The following ADARB2 variants were observed in gnomAD, a reference collection of about 807,000 sequenced individuals.
ADARB2 encodes adenosine deaminase RNA specific B2 (inactive).
Under a neutral mutation model 62.2 loss-of-function variants are expected in ADARB2, and 25 were observed. The ratio of observed to expected loss-of-function variants is 0.40; its 90% CI spans 0.29 to 0.56. The LOEUF is 0.56. Among genes scored for constraint, ADARB2 ranks in the 20% least tolerant of loss-of-function variants. The pLI is 0.43. For synonymous variants in ADARB2, 572 were observed against 500.8 expected (o/e 1.14, Z -1.90); for missense variants, 1,071 against 1,077.4 (o/e 0.99, Z 0.08).
intron 1 of ADARB2, among the ~76,000 whole-genome samples, chr10:1,540,155 A>C (rs937249174): frequency 2.0e-5 from 3 of 152,148 alleles, no homozygotes; most frequent in African/African-American, 7.2e-5. Flanking sequence ...ATAAGAAGAA[A>C]ACAGGATTTT....
At chr10:1,508,467 T>C (rs1410490405) in intron 1 of ADARB2, among the ~76,000 whole-genome samples, 1 of 152,194 alleles carries the variant, frequency 6.6e-6, no homozygotes, top group Non-Finnish European at 1.5e-5. Flanking sequence ...TACATTATTG[T>C]TTTCACGCTG....
chr10:1,675,024 A>G (rs1418565810), intron 1 of ADARB2: 3 of 976,894 alleles, frequency 3.1e-6, no homozygotes, highest in African/African-American at 1.9e-5. Context: ...TTGGGGGTAC[A>G]TGGATGTTCT....
chr10:1,374,695 G>A (rs757586871), intron 2 of ADARB2, among the ~76,000 whole-genome samples: 53 of 152,318 alleles, frequency 3.5e-4, no homozygotes, highest in Non-Finnish European at 5.7e-4. Flanking sequence ...GTCCTCTGCT[G>A]GGCCGTTTGC....
chr10:1,298,667 G>A (rs1325479580), intron 3 of ADARB2, among the ~76,000 whole-genome samples: 1 of 148,502 alleles, frequency 6.7e-6, no homozygotes, highest in East Asian at 2.0e-4. Flanking sequence ...AAGGGCACGT[G>A]CCCCACTGCA....
At chr10:1,711,451 C>T (rs779221077) in intron 1 of ADARB2, among the ~76,000 whole-genome samples, 21 of 152,202 alleles carry the variant, frequency 1.4e-4, no homozygotes, top group Non-Finnish European at 2.4e-4. Context: ...GATGGGAGCA[C>T]TGAGAATGTT....
rs147535444 is a variant in ADARB2 at position 1,326,727 on chromosome 10, C to T, written c.1077+36301G>A. 9.3e-3 allele frequency among the ~76,000 whole-genome samples: 1,408 copies of T among 151,872 alleles called. 15 individuals carry two copies. Among genetic ancestry groups the T allele is most frequent in the African/African-American group, 0.022 (920 of 41,304 alleles). On this transcript the variant is annotated intron_variant, in intron 3 of 9. Transcript: ENST00000381312. Reference sequence around the variant, plus strand: ...AGCTCAGCGTCTCCTCACAGCGCCTCCCCATGGCACGGCGCCTCCCGACGG... The same window carrying T: ...AGCTCAGCGTCTCCTCACAGCGCCTTCCCATGGCACGGCGCCTCCCGACGG...
chr10:1,319,223 G>T (rs912532446), intron 3 of ADARB2, among the ~76,000 whole-genome samples: 5 of 152,178 alleles, frequency 3.3e-5, no homozygotes, highest in African/African-American at 1.2e-4. Flanking sequence ...GAGGAAGTAA[G>T]TTCAGTAAAG....
intron 1 of ADARB2, among the ~76,000 whole-genome samples, chr10:1,685,147 G>A (rs901705095): frequency 6.6e-6 from 1 of 152,208 alleles, no homozygotes; most frequent in Non-Finnish European, 1.5e-5. Context: ...TATGAGCAGG[G>A]CATGTCTGCC....
chr10:1,306,454 G>A (rs915022750), intron 3 of ADARB2, among the ~76,000 whole-genome samples: 1 of 152,034 alleles, frequency 6.6e-6, no homozygotes, highest in Non-Finnish European at 1.5e-5. Flanking sequence ...TGGGTAGGAA[G>A]AATCAATATC....
chr10:1,565,236 A>G (rs117775401), intron 1 of ADARB2, among the ~76,000 whole-genome samples: 2,103 of 152,296 alleles, frequency 0.014, 35 homozygotes, highest in Middle Eastern at 0.027. Flanking sequence ...ATTTATGTGC[A>G]TTATTCTGGT....
intron 1 of ADARB2, among the ~76,000 whole-genome samples, chr10:1,660,538 C>T (rs1347923177): frequency 2.0e-5 from 3 of 152,122 alleles, no homozygotes. Flanking sequence ...ATCTGGGGCT[C>T]CAGAGCCCCT....
At chr10:1,467,480 C>T (rs926321637) in intron 1 of ADARB2, among the ~76,000 whole-genome samples, 3 of 152,264 alleles carry the variant, frequency 2.0e-5, no homozygotes, top group Non-Finnish European at 2.9e-5. Context: ...TCTCCAACCG[C>T]GTTATTTCTG....
chr10:1,499,753 A>C (rs1264221243), intron 1 of ADARB2, among the ~76,000 whole-genome samples: 1 of 151,872 alleles, frequency 6.6e-6, no homozygotes, highest in Non-Finnish European at 1.5e-5. Flanking sequence ...CTCATCACTC[A>C]CTTATTACTT....
rs138059465 is a variant in ADARB2 at position 1,449,122 on chromosome 10, A to G, written c.101-69962T>C. ...ATCCTCGGTCTTTCCATGAGTCTGGATGAGACCAGGTCCCCCTCACCCGAG... is the reference window on the plus strand; with the variant it reads ...ATCCTCGGTCTTTCCATGAGTCTGGGTGAGACCAGGTCCCCCTCACCCGAG... On this transcript the variant is annotated intron_variant, in intron 1 of 9. Transcript: ENST00000381312. Among the ~76,000 whole-genome samples, 8 of 152,252 alleles carry G rather than the reference A, an allele frequency of 5.3e-5. No homozygotes were observed. The East Asian group carries it at 1.5e-3, about 29-fold the overall frequency.
At chr10:1,672,308 C>T (rs1483647338) in intron 1 of ADARB2, among the ~76,000 whole-genome samples, 4 of 152,142 alleles carry the variant, frequency 2.6e-5, no homozygotes, top group African/African-American at 4.8e-5. Context: ...GCTGGGGTGT[C>T]GAGCACCTTG....
At chr10:1,661,492 C>A (rs1054746901) in intron 1 of ADARB2, among the ~76,000 whole-genome samples, 2 of 152,206 alleles carry the variant, frequency 1.3e-5, no homozygotes, top group Admixed American at 6.5e-5. Flanking sequence ...CTTTATTTTA[C>A]AGGATGCCTT....
Position 1,545,002 on chromosome 10 carries a change from G to T in ADARB2, c.101-165842C>A, listed in dbSNP as rs552555621. Reference sequence around the variant, plus strand: ...ACACACACAATGTCCCTTGCAGCAGGAATGTGGATGGTCCCTGGGAAGTCT... The same window carrying T: ...ACACACACAATGTCCCTTGCAGCAGTAATGTGGATGGTCCCTGGGAAGTCT... On this transcript the variant is annotated intron_variant, in intron 1 of 9. Coordinates refer to ENST00000381312, the MANE Select transcript of ADARB2 (RefSeq NM_018702.4). Among the ~76,000 whole-genome samples, 16 of 28,822 alleles carry T rather than the reference G, an allele frequency of 5.6e-4. No homozygotes were observed. The South Asian group carries it at 0.025, about 44-fold the overall frequency. 18.9% of individuals were successfully genotyped at this position (28,822 alleles called of 152,430 possible). A position where few individuals can be genotyped will look rare whatever the true frequency, so the allele number is the denominator to read the frequency against.
At chr10:1,526,796 T>C (rs765974010) in intron 1 of ADARB2, 3 of 509,802 alleles carry the variant, frequency 5.9e-6, no homozygotes, top group Non-Finnish European at 1.2e-5. Context: ...TCCCGCCTCC[T>C]CCTGGCACCT....
chr10:1,628,476 G>A (rs188930116), intron 1 of ADARB2, among the ~76,000 whole-genome samples: 5 of 152,348 alleles, frequency 3.3e-5, no homozygotes, highest in Admixed American at 2.0e-4. Context: ...GATTCTACAT[G>A]AGAATGACAC....
Sources: allele counts gnomAD v4.1 joint callset (sites outside exome capture counted in the v4.1 genomes callset), GRCh38; gene constraint gnomAD v4.1.1; transcripts MANE v1.5; gene names NCBI Gene and HGNC (gene_info 2026-07-23, HGNC 2026-07-21).